Variants in CTNNA3 observed in about 807,000 individuals in gnomAD.
CTNNA3 encodes catenin alpha 3, also known as catenin alpha-3.
CTNNA3 carries 76 observed loss-of-function variants against 95.7 expected under a neutral mutation model. That is an observed-to-expected ratio of 0.79 (90% CI 0.66 to 0.96). CTNNA3 has a LOEUF of 0.96. Among genes scored for constraint, CTNNA3 ranks in the 40% least tolerant of loss-of-function variants. The probability of loss-of-function intolerance (pLI) is 0.00; values close to 1 mark genes in which losing one functional copy is unlikely to be tolerated. For synonymous variants in CTNNA3, 431 were observed against 374.4 expected, an observed-to-expected ratio of 1.15 and a Z score of -1.74; for missense variants, 1,191 against 1,089.8, an observed-to-expected ratio of 1.09 and a Z score of -1.31.
rs573334418 is a variant in CTNNA3 at position 67,573,773 on chromosome 10, C to A, written c.292+33084G>T. ...CCCTCCCTCTATCCTTCCCTTCCCT[C>A]AACACTTAATACATTATCACAATTA... On this transcript the variant is annotated intron_variant, in intron 3 of 17. Transcript: ENST00000433211. Among the ~76,000 whole-genome samples, 5 of 151,666 alleles carry A rather than the reference C, an allele frequency of 3.3e-5. No homozygotes were observed. The East Asian group carries it at 7.8e-4, about 24-fold the overall frequency.
At chr10:67,402,016 C>T (rs1844941921) in intron 5 of CTNNA3, among the ~76,000 whole-genome samples, 2 of 152,134 alleles carry the variant, frequency 1.3e-5, no homozygotes, top group South Asian at 4.1e-4. Flanking sequence ...AGAACTCTGG[C>T]AATTCAAAAA....
intron 7 of CTNNA3, among the ~76,000 whole-genome samples, chr10:66,936,747 T>C (rs1274816150): frequency 6.6e-6 from 1 of 152,276 alleles, no homozygotes; most frequent in African/African-American, 2.4e-5. Context: ...GTATCCATAT[T>C]GAAATTCCTC....
chr10:67,342,516 C>T (rs1216791162), intron 5 of CTNNA3, among the ~76,000 whole-genome samples: 1 of 152,288 alleles, frequency 6.6e-6, no homozygotes, highest in East Asian at 1.9e-4. Flanking sequence ...TCTTTGCCCA[C>T]TCCAATGTCC....
At chr10:66,300,730 A>C (rs1444163541) in intron 12 of CTNNA3, among the ~76,000 whole-genome samples, 2 of 152,084 alleles carry the variant, frequency 1.3e-5, no homozygotes, top group African/African-American at 2.4e-5. Flanking sequence ...TATGAGAAAA[A>C]AAAAATTAAA....
At chr10:65,976,745 T>C (rs2078213884) in intron 16 of CTNNA3, among the ~76,000 whole-genome samples, 1 of 152,168 alleles carries the variant, frequency 6.6e-6, no homozygotes, top group Admixed American at 6.5e-5. Flanking sequence ...TTAAGAATAT[T>C]CTACTATTTT....
At chr10:67,189,520 T>A (rs912542804) in intron 6 of CTNNA3, among the ~76,000 whole-genome samples, 2 of 144,112 alleles carry the variant, frequency 1.4e-5, no homozygotes, top group Admixed American at 1.4e-4. Context: ...CATATGTTAG[T>A]TTCATTTAGC....
At chr10:67,048,651 GA>G (rs1294134069) in intron 7 of CTNNA3, among the ~76,000 whole-genome samples, 4 of 152,082 alleles carry the variant, frequency 2.6e-5, no homozygotes, top group Admixed American at 1.3e-4. Flanking sequence ...GAGAGCTGCA[GA>G]AAACCCTATG....
chr10:67,743,286 C>A (rs1841353637), intron 1 of CTNNA3, among the ~76,000 whole-genome samples: 1 of 151,238 alleles, frequency 6.6e-6, no homozygotes, highest in East Asian at 1.9e-4. Context: ...AGCAGCACAT[C>A]AAAAAGCTTA....
intron 15 of CTNNA3, among the ~76,000 whole-genome samples, chr10:66,008,924 A>T (rs2078949701): frequency 6.6e-6 from 1 of 151,978 alleles, no homozygotes; most frequent in South Asian, 2.1e-4. Flanking sequence ...ACATGGTGAA[A>T]CCCCATCTCC....
intron 13 of CTNNA3, among the ~76,000 whole-genome samples, chr10:66,190,182 G>C (rs1012404374): frequency 3.3e-5 from 5 of 152,080 alleles, no homozygotes; most frequent in Admixed American, 3.3e-4. Flanking sequence ...TAGCAAAGAA[G>C]TGATTTATCA....
In CTNNA3 at chr10:67,234,215, G is replaced by C. The variant is rs537695334; in HGVS notation, c.580-14345C>G. 2.9e-3 allele frequency among the ~76,000 whole-genome samples: 447 copies of C among 152,272 alleles called. 2 individuals are homozygous for C. Among genetic ancestry groups the C allele is most frequent in the Non-Finnish European group, 3.7e-3 (255 of 68,014 alleles). On this transcript the variant is annotated intron_variant, in intron 5 of 17. Coordinates refer to ENST00000433211, the MANE Select transcript of CTNNA3 (RefSeq NM_013266.4). ...GCCGGGCAGAGACACAACCAAAAGA[G>C]AGAATTTTAGACCAATATCCTTGAT... is the stretch of plus-strand genomic sequence containing the variant.
At chr10:66,214,903 C>G (rs1046004882) in intron 13 of CTNNA3, among the ~76,000 whole-genome samples, 6 of 151,780 alleles carry the variant, frequency 4.0e-5, no homozygotes, top group South Asian at 2.1e-4. Context: ...GCTCTCAACC[C>G]AATTCCCTAT....
chr10:66,047,919 G>A (rs995607816), intron 15 of CTNNA3, among the ~76,000 whole-genome samples: 1 of 152,026 alleles, frequency 6.6e-6, no homozygotes, highest in South Asian at 2.1e-4. Context: ...CAGCTAACCA[G>A]GGAGGTGAAA....
chr10:66,815,728 A>T (rs1842052685), intron 7 of CTNNA3, among the ~76,000 whole-genome samples: 1 of 152,208 alleles, frequency 6.6e-6, no homozygotes, highest in Non-Finnish European at 1.5e-5. Context: ...AAATTAATTT[A>T]AAAACTGCCA....
At chr10:67,423,980 C>A (rs770697019) in intron 5 of CTNNA3, among the ~76,000 whole-genome samples, 24 of 152,126 alleles carry the variant, frequency 1.6e-4, no homozygotes, top group Non-Finnish European at 3.5e-4. Flanking sequence ...TCTGGATCTT[C>A]TTATTATGAA....
rs1213741917 is a variant in CTNNA3, at chr10:65,917,279, AG to A, written c.*3050del. ...AATGAACAAATTAGCTTAGAAATTT[AG>A]TGTTTGAGTTTTTTCTTGACTCATT... On this transcript the variant is annotated 3_prime_UTR_variant, in exon 18 of 18. Transcript: ENST00000433211. 6.6e-6 allele frequency: 1 copy of A among 152,194 alleles called. No homozygotes were observed. Among genetic ancestry groups the A allele is most frequent in the Non-Finnish European group, 1.5e-5 (1 of 68,022 alleles). 9.4% of individuals were successfully genotyped at this position (152,194 alleles called of 1,614,324 possible).
At chr10:66,049,989 A>C (rs527578550) in intron 15 of CTNNA3, among the ~76,000 whole-genome samples, 85 of 152,280 alleles carry the variant, frequency 5.6e-4, no homozygotes, top group African/African-American at 1.8e-3. Flanking sequence ...CACACACACA[A>C]AAAAGAGAGA....
At chr10:67,076,492 A>T (rs1371986021) in intron 7 of CTNNA3, among the ~76,000 whole-genome samples, 2 of 152,130 alleles carry the variant, frequency 1.3e-5, no homozygotes, top group Non-Finnish European at 2.9e-5. Flanking sequence ...TATTTCCAGG[A>T]CTCCATCAGA....
chr10:67,676,064 C>T (rs1840529494), intron 1 of CTNNA3, among the ~76,000 whole-genome samples: 1 of 151,942 alleles, frequency 6.6e-6, no homozygotes, highest in South Asian at 2.1e-4. Flanking sequence ...AAGGCCGAGG[C>T]ACCCAAGTTA....
Sources: allele counts gnomAD v4.1 joint callset (sites outside exome capture counted in the v4.1 genomes callset), GRCh38; gene constraint gnomAD v4.1.1; transcripts MANE v1.5; gene names NCBI Gene and HGNC (gene_info 2026-07-23, HGNC 2026-07-21).